Variants in DSCAM observed in about 807,000 individuals in gnomAD.
DSCAM encodes DS cell adhesion molecule.
In DSCAM, 47 loss-of-function variants were observed where a neutral mutation model predicts 217.7. That is an observed-to-expected ratio of 0.22 (90% CI 0.17 to 0.28). The LOEUF (loss-of-function observed/expected upper bound fraction) is 0.28. Ranked by LOEUF, DSCAM falls within the 10% of genes least tolerant of loss-of-function variation. The pLI, the probability that DSCAM is intolerant of heterozygous loss-of-function variation, is 1.00. For synonymous variants in DSCAM, 1,056 were observed against 1,015.3 expected, an observed-to-expected ratio of 1.04 and a Z score of -0.76; for missense variants, 2,080 against 2,618.3, an observed-to-expected ratio of 0.79 and a Z score of 4.49.
At chr21:40,709,530 C>G (rs950927231) in intron 1 of DSCAM, among the ~76,000 whole-genome samples, 2 of 152,096 alleles carry the variant, frequency 1.3e-5, no homozygotes, top group African/African-American at 2.4e-5. Flanking sequence ...TGATGTTCCC[C>G]TCCCTGTGTC....
chr21:40,568,603 T>C (rs148411750), intron 3 of DSCAM, among the ~76,000 whole-genome samples: 1 of 152,350 alleles, frequency 6.6e-6, no homozygotes, highest in East Asian at 1.9e-4. Context: ...TCCATTTTTA[T>C]TTAAAATGCT....
chr21:40,266,023 A>T (rs897960953), intron 11 of DSCAM, among the ~76,000 whole-genome samples: 2 of 152,212 alleles, frequency 1.3e-5, no homozygotes, highest in African/African-American at 4.8e-5. Flanking sequence ...CTAATGAAAA[A>T]GCTTCTGCAC....
intron 4 of DSCAM, among the ~76,000 whole-genome samples, chr21:40,367,882 A>G (rs1286507951): frequency 6.6e-6 from 1 of 152,194 alleles, no homozygotes; most frequent in Non-Finnish European, 1.5e-5. Flanking sequence ...CATGGTGACA[A>G]AATGCTTGTG....
chr21:40,603,434 C>T (rs1568932268), intron 3 of DSCAM, among the ~76,000 whole-genome samples: 1 of 152,164 alleles, frequency 6.6e-6, no homozygotes, highest in African/African-American at 2.4e-5. Flanking sequence ...GCTGAAGCCC[C>T]TAACTATAAC....
At chr21:40,045,352 G>A (rs1443851216) in intron 30 of DSCAM, among the ~76,000 whole-genome samples, 1 of 152,194 alleles carries the variant, frequency 6.6e-6, no homozygotes, top group South Asian at 2.1e-4. Context: ...CAATAGAATT[G>A]TCCTAACTTT....
chr21:40,376,030 G>A (rs1410794071), intron 3 of DSCAM, among the ~76,000 whole-genome samples: 1 of 152,140 alleles, frequency 6.6e-6, no homozygotes, highest in Non-Finnish European at 1.5e-5. Context: ...TACTATTTGG[G>A]GGAAGATTTT....
At chr21:40,666,093 T>C (rs1346070388) in intron 3 of DSCAM, among the ~76,000 whole-genome samples, 1 of 152,176 alleles carries the variant, frequency 6.6e-6, no homozygotes, top group African/African-American at 2.4e-5. Flanking sequence ...CTGCCAACAA[T>C]TTAATGGTAA....
At chr21:40,290,637 A>G (rs2073880701) in intron 10 of DSCAM, among the ~76,000 whole-genome samples, 1 of 152,200 alleles carries the variant, frequency 6.6e-6, no homozygotes, top group Non-Finnish European at 1.5e-5. Context: ...AAAAAAAGAA[A>G]ATAAACTACC....
At chr21:40,709,001 G>A (rs1215851107) in intron 1 of DSCAM, among the ~76,000 whole-genome samples, 1 of 152,138 alleles carries the variant, frequency 6.6e-6, no homozygotes, top group East Asian at 1.9e-4. Flanking sequence ...AAGTTATCCT[G>A]GATGTTAATT....
intron 32 of DSCAM, among the ~76,000 whole-genome samples, chr21:40,020,766 G>A (rs776087475): frequency 6.6e-6 from 1 of 152,212 alleles, no homozygotes; most frequent in Non-Finnish European, 1.5e-5. Flanking sequence ...AACCCAGTTA[G>A]TGTCTCCAGC....
At chr21:40,052,703 C>A (rs1329491878) in intron 29 of DSCAM, among the ~76,000 whole-genome samples, 1 of 152,214 alleles carries the variant, frequency 6.6e-6, no homozygotes, top group Non-Finnish European at 1.5e-5. Flanking sequence ...TTCTTCCCAC[C>A]TCCTGTAAGC....
At chr21:40,066,401 T>C (rs745967750) in intron 27 of DSCAM, among the ~76,000 whole-genome samples, 9 of 152,276 alleles carry the variant, frequency 5.9e-5, no homozygotes, top group Non-Finnish European at 1.3e-4. Flanking sequence ...CTTTCTCTTT[T>C]CTGGGTTACA....
chr21:40,176,554 C>T (rs2090734343), intron 15 of DSCAM, among the ~76,000 whole-genome samples: 1 of 152,202 alleles, frequency 6.6e-6, no homozygotes, highest in Admixed American at 6.5e-5. Context: ...TTGGCCAGAG[C>T]ACCCCATTCT....
intron 3 of DSCAM, among the ~76,000 whole-genome samples, chr21:40,462,383 T>A (rs2075812933): frequency 6.6e-6 from 1 of 152,198 alleles, no homozygotes; most frequent in Non-Finnish European, 1.5e-5. Flanking sequence ...GCTAACACTC[T>A]GGTTTGACAA....
At chr21:40,163,243 T>C (rs964074917) in intron 16 of DSCAM, among the ~76,000 whole-genome samples, 6 of 152,166 alleles carry the variant, frequency 3.9e-5, no homozygotes, top group Non-Finnish European at 7.3e-5. Flanking sequence ...AACTAAAAAT[T>C]GGAATTTTCT....
intron 1 of DSCAM, among the ~76,000 whole-genome samples, chr21:40,763,640 A>G (rs555605466): frequency 2.0e-5 from 3 of 152,284 alleles, no homozygotes; most frequent in African/African-American, 7.2e-5. Context: ...TAGCCAAGAC[A>G]ACTCTAAACA....
At chr21:40,192,782 A>C (rs1231039035) in intron 11 of DSCAM, among the ~76,000 whole-genome samples, 1 of 152,188 alleles carries the variant, frequency 6.6e-6, no homozygotes, top group Non-Finnish European at 1.5e-5. Context: ...ATGATATTGC[A>C]GCACACGGAT....
intron 6 of DSCAM, 125 bp downstream of exon 6, chr21:40,347,545 A>T: frequency 7.7e-7 from 1 of 1,296,102 alleles, no homozygotes; most frequent in Non-Finnish European, 1.1e-6. Context: ...AGGGTAGAGT[A>T]CTAGCTGGTG....
At chr21:40,263,607 T>A (rs1414724515) in intron 11 of DSCAM, among the ~76,000 whole-genome samples, 1 of 152,090 alleles carries the variant, frequency 6.6e-6, no homozygotes, top group Non-Finnish European at 1.5e-5. Flanking sequence ...ACATTAAAAG[T>A]CTGAAAGATC....
Sources: allele counts gnomAD v4.1 joint callset (sites outside exome capture counted in the v4.1 genomes callset), GRCh38; gene constraint gnomAD v4.1.1; transcripts MANE v1.5; gene names NCBI Gene and HGNC (gene_info 2026-07-23, HGNC 2026-07-21).